DVL2: variants seen among roughly 807,000 people sequenced by gnomAD.
The protein encoded by DVL2 is segment polarity protein dishevelled homolog DVL-2.
Under a neutral mutation model 69.8 loss-of-function variants are expected in DVL2, and 38 were observed. The observed-to-expected ratio is 0.54, with a 90% CI of 0.42 to 0.71. The LOEUF is 0.71. Among genes scored for constraint, DVL2 ranks in the 30% least tolerant of loss-of-function variants. The probability of loss-of-function intolerance (pLI) is 0.00; values close to 1 mark genes in which losing one functional copy is unlikely to be tolerated. For missense variants in DVL2, 931 were observed against 1,008.1 expected (o/e 0.92, Z 1.04); for synonymous variants, 428 against 392.4 (o/e 1.09, Z -1.07).
In DVL2 at chr17:7,227,935, C is replaced by T. The variant is rs374113002; in HGVS notation, c.1102+42G>A. On this transcript the variant is annotated intron_variant, in intron 10 of 14. Coordinates refer to ENST00000005340, the MANE Select transcript of DVL2 (RefSeq NM_004422.3). ...GGCCCGGCCCCAGCCTCCTGGGCAG[C>T]CCCCACCCCCAACTTCAGGCCCCTC... The T allele has an allele frequency of 6.4e-6, 10 of 1,573,580 alleles. No individual in the cohort carries two copies. The East Asian group carries it at 1.3e-4, about 21-fold the overall frequency.
chr17:7,229,733 A>G lies in DVL2; in HGVS notation c.657-55T>C. On this transcript the variant is annotated intron_variant, in intron 5 of 14. Transcript: ENST00000005340. This position sits in a 1 kb window ranked among gnomAD's most constrained non-coding sequence, Gnocchi z 4.4. ...GTAGGCCAAAGTGGTCATGGGGCCA[A>G]GAGAAAGAACAAGAGGATTGACTGG... 2 of 1,580,718 alleles carry G rather than the reference A, an allele frequency of 1.3e-6. No individual in the cohort carries two copies. The highest frequency in any genetic ancestry group is 1.7e-6 in the Non-Finnish European group (2 of 1,159,596).
rs983186756 is a variant in DVL2 at position 7,234,186 on chromosome 17, G to A, written c.77C>T (p.Pro26Leu). 6.2e-7 allele frequency: 1 copy of A among 1,614,022 alleles called. No homozygotes were observed. The highest frequency in any genetic ancestry group is 1.3e-5 in the African/African-American group (1 of 74,916). The change falls in exon 1 of 15, where the codon CCC (proline) becomes CTC (leucine). Residue 26 changes from proline (P) to leucine (L), a missense_variant. Coordinates refer to ENST00000005340, the MANE Select transcript of DVL2 (RefSeq NM_004422.3). Reference sequence around the variant, plus strand: ...GGGGACAGGGATCTTCACCAGGTAGGGAGTCTCTTCCTCATCCAGGTGGTA... The same window carrying A: ...GGGGACAGGGATCTTCACCAGGTAGAGAGTCTCTTCCTCATCCAGGTGGTA... ...VIYHLDEEET[P>L]YLVKIPVPAE... is the part of the protein sequence containing the mutation.
chr17:7,230,533 AGC>A, intron 2 of DVL2, 103 bp from the exon 3 acceptor site: 1 of 1,499,576 alleles, frequency 6.7e-7, no homozygotes, highest in Non-Finnish European at 9.1e-7. Flanking sequence ...GCTGGAGAAG[AGC>A]AAAAAAACCT....
Position 7,229,879 on chromosome 17 carries a change from G to A in DVL2, c.585C>T (p.Ser195=), listed in dbSNP as rs1355151775. 6.2e-7 allele frequency: 1 copy of A among 1,611,364 alleles called. No individual in the cohort carries two copies. The highest frequency in any genetic ancestry group is 8.5e-7 in the Non-Finnish European group (1 of 1,179,942). The change falls in exon 5 of 15, where the codon TCC becomes TCT. Residue 195 remains serine, a synonymous_variant. Transcript: ENST00000005340. The surrounding 1 kb of genome is among the most constrained non-coding windows in gnomAD (Gnocchi z 4.4). The stretch of plus-strand genomic sequence containing the variant: ...CCAGCTCGCTGGTCATGAGGGTAGA[G>A]GAGCTCTCGTATCCGGCCAGGTGGC... ...LERHLAGYES[S]STLMTSELES...
chr17:7,234,382 G>C lies in DVL2; in HGVS notation c.-120C>G, dbSNP rs991740938. On this transcript the variant is annotated 5_prime_UTR_variant, in exon 1 of 15. Coordinates refer to ENST00000005340, the MANE Select transcript of DVL2 (RefSeq NM_004422.3). ...CGGACAGGACTGACCCAGTACGGGAGAGAAGCAAAGGGGAAAAAGCACGGA... is the reference window on the plus strand; with the variant it reads ...CGGACAGGACTGACCCAGTACGGGACAGAAGCAAAGGGGAAAAAGCACGGA... The C allele has an allele frequency of 8.6e-7, 1 of 1,166,344 alleles. No homozygotes were observed. The highest frequency in any genetic ancestry group is 1.6e-5 in the African/African-American group (1 of 63,576). The allele number at this position is 1,166,344 out of a possible 1,614,324, so 72.2% of individuals were successfully genotyped here.
In DVL2 at chr17:7,229,566, C is replaced by T; in HGVS notation, c.747+22G>A. On this transcript the variant is annotated intron_variant, in intron 6 of 14. Coordinates refer to ENST00000005340, the MANE Select transcript of DVL2 (RefSeq NM_004422.3). The surrounding 1 kb of genome is among the most constrained non-coding windows in gnomAD (Gnocchi z 4.4). ...ATGCCCCACCTTCTCCCAGCACCAG[C>T]CTTCCTGTAGGAACCCCTCACCCTC... 6.3e-7 allele frequency: 1 copy of T among 1,591,460 alleles called. No individual in the cohort carries two copies. Among genetic ancestry groups the T allele is most frequent in the East Asian group, 2.2e-5 (1 of 44,710 alleles).
chr17:7,234,379 G>C lies in DVL2; in HGVS notation c.-117C>G. On this transcript the variant is annotated 5_prime_UTR_variant, in exon 1 of 15. Coordinates refer to ENST00000005340, the MANE Select transcript of DVL2 (RefSeq NM_004422.3). ...GCGCGGACAGGACTGACCCAGTACG[G>C]GAGAGAAGCAAAGGGGAAAAAGCAC... 3 of 1,200,660 alleles carry C rather than the reference G, an allele frequency of 2.5e-6. No individual in the cohort carries two copies. Among genetic ancestry groups the C allele is most frequent in the Non-Finnish European group, 2.3e-6 (2 of 862,208 alleles). The allele number at this position is 1,200,660 out of a possible 1,614,324, so 74.4% of individuals were successfully genotyped here.
Position 7,230,102 on chromosome 17 carries a change from G to A in DVL2, c.464C>T (p.Ser155Leu). The A allele has an allele frequency of 1.2e-6, 2 of 1,614,186 alleles. No individual in the cohort carries two copies. The highest frequency in any genetic ancestry group is 1.7e-6 in the Non-Finnish European group (2 of 1,180,036). ...CCGCTCCCGCCTCAGTGACACTACT[G>A]ACTCGGTTTCTGTCTCAGGCTCCAG... is the stretch of plus-strand genomic sequence containing the variant. ...ENLEPETETE[S>L]VVSLRRERPR... Residue 155 changes from serine to leucine, a missense_variant, in exon 4 of 15, where the codon TCA becomes TTA. Around this residue, in one of 3 missense-constraint regions of DVL2, gnomAD observed 555 missense variants for 588.8 expected, o/e 0.94. Coordinates refer to ENST00000005340, the MANE Select transcript of DVL2 (RefSeq NM_004422.3).
rs1478775741 is a variant in DVL2 at position 7,234,484 on chromosome 17, C to T, written c.-222G>A. On this transcript the variant is annotated 5_prime_UTR_variant, in exon 1 of 15. Coordinates refer to ENST00000005340, the MANE Select transcript of DVL2 (RefSeq NM_004422.3). ...GGTCTCAGCGGCCGCCGCGCGCCAC[C>T]GCCACCGACGCCGCGAGCTTCCTCC... 2.6e-5 allele frequency: 14 copies of T among 545,808 alleles called. No individual in the cohort carries two copies. The highest frequency in any genetic ancestry group is 1.9e-4 in the Admixed American group (5 of 26,074). The allele number at this position is 545,808 out of a possible 1,614,324, so 33.8% of individuals were successfully genotyped here. A position where few individuals can be genotyped will look rare whatever the true frequency, so the allele number is the denominator to read the frequency against.
At position 7,228,792 on chromosome 17, in the gene DVL2, G is replaced by C. The variant is rs541647572; in HGVS notation, c.1034+177C>G. The C allele has an allele frequency of 1.6e-4, 100 of 612,904 alleles. 1 individual carries two copies. In the South Asian group the frequency reaches 1.6e-3, roughly 10 times the overall value. The allele number at this position is 612,904 out of a possible 1,614,324, so 38.0% of individuals were successfully genotyped here. On this transcript the variant is annotated intron_variant, in intron 9 of 14. Transcript: ENST00000005340. Reference sequence around the variant, plus strand: ...AGACACGGTTTCACCACATTGGTCAGGCTGGTCTCGAACTCCTCACCTCAG... The same window carrying C: ...AGACACGGTTTCACCACATTGGTCACGCTGGTCTCGAACTCCTCACCTCAG...
chr17:7,228,531 T>C, intron 9 of DVL2: 1 of 186,772 alleles, frequency 5.4e-6, no homozygotes, highest in Admixed American at 5.4e-5. Context: ...ACTCTAGTAT[T>C]ATTTGCTATG....
At chr17:7,231,684 G>A (rs1229365764) in intron 1 of DVL2, among the ~76,000 whole-genome samples, 1 of 151,838 alleles carries the variant, frequency 6.6e-6, no homozygotes, top group East Asian at 1.9e-4. Flanking sequence ...CCAACATGGT[G>A]AAACCCTTTC....
Position 7,227,071 on chromosome 17 carries a change from T to A in DVL2, c.1543+19A>T, listed in dbSNP as rs761361697. On this transcript the variant is annotated intron_variant, in intron 13 of 14. Coordinates refer to ENST00000005340, the MANE Select transcript of DVL2 (RefSeq NM_004422.3). The stretch of plus-strand genomic sequence containing the variant: ...GGTAGGCAAAGCCACACTCCCAGAG[T>A]TGGGGCAGGGGGACTTACAGCTCTC... 6.3e-7 allele frequency: 1 copy of A among 1,591,722 alleles called. No individual in the cohort carries two copies. The highest frequency in any genetic ancestry group is 1.1e-5 in the South Asian group (1 of 88,124).
rs375216030 is a variant in DVL2, at chr17:7,229,171, G to A, written c.921C>T (p.Ala307=). 6.8e-5 allele frequency: 110 copies of A among 1,614,006 alleles called. No individual in the cohort carries two copies. Among genetic ancestry groups the A allele is most frequent in the Non-Finnish European group, 8.5e-5 (100 of 1,180,014 alleles). The change falls in exon 8 of 15, where the codon GCC becomes GCT. Residue 307 remains alanine, a synonymous_variant. Coordinates refer to ENST00000005340, the MANE Select transcript of DVL2 (RefSeq NM_004422.3). The surrounding 1 kb of genome is among the most constrained non-coding windows in gnomAD (Gnocchi z 4.4). ...GSIMKGGAVA[A]DGRIEPGDML... Reference sequence around the variant, plus strand: ...TGTCCCCTGGCTCAATGCGCCCGTCGGCCGCCACAGCCCCACCCTTCATGA... The same window carrying A: ...TGTCCCCTGGCTCAATGCGCCCGTCAGCCGCCACAGCCCCACCCTTCATGA...
At position 7,233,268 on chromosome 17, in the gene DVL2, C is replaced by A. The variant is rs562245304; in HGVS notation, c.194+801G>T. The stretch of plus-strand genomic sequence containing the variant: ...TCTAGCACAGCCTACAATGCCCCCA[C>A]ACGCAGCTGTCTGCACCAGTCTAGA... On this transcript the variant is annotated intron_variant, in intron 1 of 14. Coordinates refer to ENST00000005340, the MANE Select transcript of DVL2 (RefSeq NM_004422.3). 7.2e-5 allele frequency among the ~76,000 whole-genome samples: 11 copies of A among 152,154 alleles called. No individual in the cohort carries two copies. The East Asian group carries it at 1.9e-3, about 27-fold the overall frequency.
At chr17:7,230,676 G>A in intron 2 of DVL2, 52 bp downstream of exon 2, 1 of 1,549,548 alleles carries the variant, frequency 6.5e-7, no homozygotes, top group South Asian at 1.2e-5. Context: ...TGAGGCTTGA[G>A]GGAGCTTGGC....
chr17:7,226,421 C>G lies in DVL2; in HGVS notation c.1762G>C (p.Gly588Arg). ...GGSASSQHSEGSRSSGSTRSD... is the reference protein window; with the variant it reads ...GGSASSQHSERSRSSGSTRSD... Reference sequence around the variant, plus strand: ...GTACAGGTATGTGGGGATGACTTACCCTCACTATGCTGGCTGCTGGCACTG... The same window carrying G: ...GTACAGGTATGTGGGGATGACTTACGCTCACTATGCTGGCTGCTGGCACTG... Residue 588 changes from glycine to arginine, a missense_variant and splice_region_variant, in exon 14 of 15, where the codon GGC becomes CGC. Gly to Arg is a moderately radical substitution (Grantham distance 125, BLOSUM62 -2). Around this residue, in one of 3 missense-constraint regions of DVL2, gnomAD observed 314 missense variants for 313.7 expected, o/e 1.00. Coordinates refer to ENST00000005340, the MANE Select transcript of DVL2 (RefSeq NM_004422.3). 6.5e-7 allele frequency: 1 copy of G among 1,531,280 alleles called. No individual in the cohort carries two copies. Among genetic ancestry groups the G allele is most frequent in the Non-Finnish European group, 8.8e-7 (1 of 1,140,060 alleles). The allele number at this position is 1,531,280 out of a possible 1,614,324, so 94.9% of individuals were successfully genotyped here.
At position 7,229,768 on chromosome 17, in the gene DVL2, CG is replaced by C; in HGVS notation, c.656+39del. The C allele has an allele frequency of 6.3e-7, 1 of 1,592,992 alleles. No individual in the cohort carries two copies. The highest frequency in any genetic ancestry group is 8.6e-7 in the Non-Finnish European group (1 of 1,165,488). ...CAAGAGGATTGACTGGAAGACGAGA[CG>C]GGGCTGGGTGCGCTGGGGAGAGCTG... On this transcript the variant is annotated intron_variant, in intron 5 of 14. Coordinates refer to ENST00000005340, the MANE Select transcript of DVL2 (RefSeq NM_004422.3). This position sits in a 1 kb window ranked among gnomAD's most constrained non-coding sequence, Gnocchi z 4.4.
chr17:7,226,716 T>TG, intron 13 of DVL2, 77 bp from the exon 14 acceptor site: 1 of 1,174,766 alleles, frequency 8.5e-7, no homozygotes, highest in Non-Finnish European at 1.2e-6. Context: ...GGAGAGGAAC[T>TG]GGGAACAGTT....
Sources: gnomAD v4.1 joint callset for allele counts (sites outside exome capture counted in the v4.1 genomes callset) on GRCh38, gnomAD v4.1.1 for gene constraint, gnomAD v4.1.1 regional missense constraint, Gnocchi (gnomAD v3.1) non-coding constraint, MANE v1.5 for transcripts, NCBI Gene and HGNC (gene_info 2026-07-23, HGNC 2026-07-21) for gene names.